The following SORL1 variants were observed in gnomAD, a reference collection of about 807,000 sequenced individuals.
SORL1 encodes the protein sortilin-related receptor.
In SORL1, 127 loss-of-function variants were observed where a neutral mutation model predicts 273.7. The ratio of observed to expected loss-of-function variants is 0.46; its 90% confidence interval spans 0.40 to 0.54. The LOEUF is 0.54. Among genes scored for constraint, SORL1 ranks in the 20% least tolerant of loss-of-function variants. The pLI is 0.00. For missense variants in SORL1, 2,494 were observed against 2,846.1 expected (o/e 0.88, Z 2.81); for synonymous variants, 1,031 against 1,067.4 (o/e 0.97, Z 0.66).
intron 6 of SORL1, among the ~76,000 whole-genome samples, chr11:121,505,486 G>C (rs1213228538): frequency 6.6e-6 from 1 of 150,524 alleles, no homozygotes; most frequent in East Asian, 1.9e-4. Context: ...CTTTCATTCT[G>C]CTTGCTTTGG....
At chr11:121,583,636 C>A in intron 26 of SORL1, 53 bp downstream of exon 26, 1 of 1,548,742 alleles carries the variant, frequency 6.5e-7, no homozygotes, top group Admixed American at 1.9e-5. Flanking sequence ...GTCTGCTGTT[C>A]AGGAAGAGAG....
In SORL1 at chr11:121,595,511, G is replaced by A. The variant is rs1180639279; in HGVS notation, c.4370-112G>A. On this transcript the variant is annotated intron_variant, in intron 31 of 47. Transcript: ENST00000260197. This position sits in a 1 kb window ranked among gnomAD's most constrained non-coding sequence, Gnocchi z 5.1. ...ATCCGGAACTCGCATTTGTCTTCAGGTTCCCATTGTAATTTCTAAAGCACC... is the reference window on the plus strand; with the variant it reads ...ATCCGGAACTCGCATTTGTCTTCAGATTCCCATTGTAATTTCTAAAGCACC... 3.1e-6 allele frequency: 3 copies of A among 967,298 alleles called. No individual in the cohort carries two copies. The highest frequency in any genetic ancestry group is 4.7e-6 in the Non-Finnish European group (3 of 640,160). The allele number at this position is 967,298 out of a possible 1,614,324, so 59.9% of individuals were successfully genotyped here.
chr11:121,529,530 C>G (rs1490847581), intron 11 of SORL1, among the ~76,000 whole-genome samples: 9 of 152,236 alleles, frequency 5.9e-5, no homozygotes, highest in Non-Finnish European at 1.5e-5. Flanking sequence ...GATAGTACAT[C>G]TTTTAACATC....
In SORL1 at chr11:121,577,011, G is replaced by T. The variant is rs533621586; in HGVS notation, c.3461-270G>T. On this transcript the variant is annotated intron_variant, in intron 24 of 47. Transcript: ENST00000260197. ...TAATATATGTGGAGAGCACTGGGAT[G>T]AATGGACAAGGATGCTGTTGTCAAG... The T allele has an allele frequency of 4.4e-4, 612 of 1,388,110 alleles. 15 individuals are homozygous for T. The South Asian group carries it at 7.3e-3, about 16-fold the overall frequency. The allele number at this position is 1,388,110 out of a possible 1,614,324, so 86.0% of individuals were successfully genotyped here.
At chr11:121,601,588 T>G (rs1336986687) in intron 32 of SORL1, among the ~76,000 whole-genome samples, 1 of 151,108 alleles carries the variant, frequency 6.6e-6, no homozygotes, top group Non-Finnish European at 1.5e-5. Context: ...TGATTGTTTT[T>G]TTTTTTTTTT....
rs188674408 is a variant in SORL1, at chr11:121,591,022, C to T, written c.4235C>T (p.Ser1412Leu). The T allele has an allele frequency of 1.3e-5, 21 of 1,614,256 alleles. No homozygotes were observed. The Admixed American group carries it at 1.3e-4, about 10-fold the overall frequency. ...DCGDSHILPFSTPGPSTCLPN... is the reference protein window; with the variant it reads ...DCGDSHILPFLTPGPSTCLPN... ...TCAGATTCACATATTCTTCCCTTCT[C>T]GACTCCTGGGCCCTCCACGTGTCTG... The change falls in exon 31 of 48, where the codon TCG becomes TTG. Residue 1412 changes from serine (S) to leucine (L), a missense_variant. Physicochemically the swap from Ser to Leu is moderately radical, Grantham distance 145. This residue lies in a region of SORL1 where 1,609 missense variants were observed against 1,816.4 expected (regional missense o/e 0.89). Transcript: ENST00000260197.
At chr11:121,587,767 G>A (rs1380424261) in intron 27 of SORL1, among the ~76,000 whole-genome samples, 1 of 152,180 alleles carries the variant, frequency 6.6e-6, no homozygotes, top group Non-Finnish European at 1.5e-5. Context: ...AATACTTAAT[G>A]CTACTGCCCT....
intron 43 of SORL1, 125 bp from the exon 44 acceptor site, chr11:121,620,939 G>A (rs879837146): frequency 3.5e-5 from 23 of 659,538 alleles, no homozygotes; most frequent in African/African-American, 7.3e-5. Flanking sequence ...GTCAGATTTC[G>A]GGACTCAAAC....
chr11:121,608,986 G>GA (rs1238035482), intron 38 of SORL1: 5 of 152,218 alleles, frequency 3.3e-5, no homozygotes, highest in African/African-American at 9.7e-5. Context: ...TCTATCACGG[G>GA]CATCTAGTAG....
At chr11:121,586,447 A>G in intron 27 of SORL1, 118 bp downstream of exon 27, 1 of 798,354 alleles carries the variant, frequency 1.3e-6, no homozygotes, top group Non-Finnish European at 2.2e-6. Flanking sequence ...CTTTTAACTG[A>G]GTTGATCCCT....
chr11:121,574,266 C>T lies in SORL1; in HGVS notation c.3363C>T (p.Thr1121=). The T allele has an allele frequency of 6.2e-7, 1 of 1,613,764 alleles. No homozygotes were observed. Among genetic ancestry groups the T allele is most frequent in the Admixed American group, 1.7e-5 (1 of 60,022 alleles). ...CTACCACCATCTGTGACCTGGACAC[C>T]CAGTTTCGTTGCCAGGAGTCTGGGA... ...NCPTTICDLD[T]QFRCQESGTC... Residue 1121 remains threonine, a synonymous_variant, in exon 24 of 48, where the codon ACC becomes ACT. Transcript: ENST00000260197.
chr11:121,472,016 G>A (rs906419463), intron 2 of SORL1, among the ~76,000 whole-genome samples: 3 of 152,208 alleles, frequency 2.0e-5, no homozygotes, highest in Non-Finnish European at 4.4e-5. Flanking sequence ...GTGGTGGCCT[G>A]CTCCCATAGC....
chr11:121,629,257 C>T (rs1044865111), intron 47 of SORL1: 10 of 492,228 alleles, frequency 2.0e-5, no homozygotes, highest in Non-Finnish European at 2.9e-5. Context: ...CCTAATTTGG[C>T]TACGTTCAAA....
chr11:121,602,160 G>T (rs780616637), intron 32 of SORL1, among the ~76,000 whole-genome samples: 2 of 152,096 alleles, frequency 1.3e-5, no homozygotes, highest in Admixed American at 1.3e-4. Context: ...TTGAATACAC[G>T]TTTATTTGTC....
At chr11:121,610,966 T>C in intron 38 of SORL1, 110 bp from the exon 39 acceptor site, 1 of 732,426 alleles carries the variant, frequency 1.4e-6, no homozygotes, top group Non-Finnish European at 2.4e-6. Flanking sequence ...AAATACCCTT[T>C]CTTCCCCGAC....
intron 1 of SORL1, among the ~76,000 whole-genome samples, chr11:121,466,628 A>G (rs934160648): frequency 1.8e-4 from 27 of 152,130 alleles, no homozygotes; most frequent in African/African-American, 6.3e-4. Flanking sequence ...ATGTCTTGAT[A>G]ATAAAATTTA....
intron 21 of SORL1, among the ~76,000 whole-genome samples, chr11:121,564,878 T>C (rs11218343): frequency 0.063 from 9,570 of 152,222 alleles, 467 homozygotes; most frequent in East Asian, 0.3. Flanking sequence ...CAGCCGGTAA[T>C]AGAGTATTTT....
Position 121,497,060 on chromosome 11 carries a change from T to C in SORL1, c.939+11T>C. ...GCTACAAAGGTGGTGGTAAGTTGAA[T>C]GTACTAAAGAATAAACTACTTTTGA... is the stretch of plus-strand genomic sequence containing the variant. On this transcript the variant is annotated intron_variant, in intron 6 of 47. Coordinates refer to ENST00000260197, the MANE Select transcript of SORL1 (RefSeq NM_003105.6). The C allele has an allele frequency of 6.2e-7, 1 of 1,608,674 alleles. No individual in the cohort carries two copies. The highest frequency in any genetic ancestry group is 8.5e-7 in the Non-Finnish European group (1 of 1,177,664).
At position 121,629,737 on chromosome 11, in the gene SORL1, A is replaced by G; in HGVS notation, c.*174A>G. ...AAAGGAATGAATAAACTTTGTAGTA[A>G]TCAACTGTGAACTTCAAACCAGGTT... On this transcript the variant is annotated 3_prime_UTR_variant, in exon 48 of 48. Coordinates refer to ENST00000260197, the MANE Select transcript of SORL1 (RefSeq NM_003105.6). The G allele has an allele frequency of 1.7e-6, 1 of 585,000 alleles. No homozygotes were observed. The highest frequency in any genetic ancestry group is 2.8e-5 in the East Asian group (1 of 35,534). 36.2% of individuals were successfully genotyped at this position (585,000 alleles called of 1,614,324 possible).
Sources: allele counts gnomAD v4.1 joint callset (sites outside exome capture counted in the v4.1 genomes callset), GRCh38; gene constraint gnomAD v4.1.1; regional missense constraint gnomAD v4.1.1; non-coding constraint Gnocchi (gnomAD v3.1); transcripts MANE v1.5; gene names NCBI Gene and HGNC (gene_info 2026-07-23, HGNC 2026-07-21).